The following HIVEP1 variants were observed in gnomAD, a reference collection of about 807,000 sequenced individuals.
HIVEP1 encodes HIVEP zinc finger 1, also known as zinc finger protein 40.
Under a neutral mutation model 180.0 loss-of-function variants are expected in HIVEP1, and 36 were observed. The ratio of observed to expected loss-of-function variants is 0.20; its 90% CI spans 0.15 to 0.26. HIVEP1 has a LOEUF of 0.26. Among genes scored for constraint, HIVEP1 ranks in the 10% least tolerant of loss-of-function variants. The probability of loss-of-function intolerance (pLI) is 1.00; values close to 1 mark genes in which losing one functional copy is unlikely to be tolerated. For synonymous variants in HIVEP1, 1,239 were observed against 1,239.0 expected (o/e 1.00, Z 0.00); for missense variants, 3,143 against 3,268.7 (o/e 0.96, Z 0.94).
intron 6 of HIVEP1, among the ~76,000 whole-genome samples, chr6:12,134,284 G>A (rs1758589130): frequency 6.6e-6 from 1 of 152,082 alleles, no homozygotes; most frequent in African/African-American, 2.4e-5. Context: ...TAATCCAGGT[G>A]TTATCTCCAG....
chr6:12,015,727 CTT>C (rs747162351), intron 2 of HIVEP1, 59 bp downstream of exon 2: 17 of 1,491,392 alleles, frequency 1.1e-5, no homozygotes, highest in South Asian at 2.3e-5. Context: ...CAAAGTATCT[CTT>C]TGGTGACAGG....
chr6:12,125,728 T>A lies in HIVEP1; in HGVS notation c.5933T>A (p.Leu1978His), dbSNP rs759404115. 36 of 1,614,070 alleles carry A rather than the reference T, an allele frequency of 2.2e-5. No individual in the cohort carries two copies. The highest frequency in any genetic ancestry group is 4.0e-5 in the African/African-American group (3 of 74,924). Residue 1978 changes from leucine to histidine, a missense_variant, in exon 4 of 9, where the codon CTC (leucine) becomes CAC (histidine). Physicochemically the swap from Leu to His is moderately conservative, Grantham distance 99 (BLOSUM62 -3). Coordinates refer to ENST00000379388, the MANE Select transcript of HIVEP1 (RefSeq NM_002114.4). ...GTAAGCGCCAGTAATCCAAATCCAC[T>A]CGGTTTGCCCACAAAAGTTGCACTT... ...WTVSASNPNPLGLPTKVALAL... is the reference protein window; with the variant it reads ...WTVSASNPNPHGLPTKVALAL...
chr6:12,077,613 T>C (rs1020680417), intron 2 of HIVEP1, among the ~76,000 whole-genome samples: 6 of 152,228 alleles, frequency 3.9e-5, no homozygotes, highest in Admixed American at 1.3e-4. Context: ...ACAGTGATGA[T>C]AAGTCCGGTG....
At chr6:12,169,138 C>T (rs181701303), downstream of HIVEP1, among the ~76,000 whole-genome samples, 21 of 152,254 alleles carry the variant, frequency 1.4e-4, 1 homozygote, top group African/African-American at 1.2e-4. Flanking sequence ...CCGCCTGCCT[C>T]GGCCTCCCAA....
At chr6:12,167,309 A>G (rs1028258321), downstream of HIVEP1, among the ~76,000 whole-genome samples, 2 of 151,914 alleles carry the variant, frequency 1.3e-5, no homozygotes, top group Admixed American at 6.6e-5. Context: ...TTCAAATTAT[A>G]ACATCAGGGT....
At chr6:12,205,200 G>A in the HIVEP1 span, among the ~76,000 whole-genome samples, 27 of 152,168 alleles carry the variant, frequency 1.8e-4, no homozygotes, top group African/African-American at 4.1e-4. Flanking sequence ...GGCTGGGCGC[G>A]GTGGCTCATG....
rs376562252 is a variant in HIVEP1, at chr6:12,122,840, C to T, written c.3045C>T (p.Val1015=). Residue 1015 remains valine, a synonymous_variant, in exon 4 of 9, where the codon GTC becomes GTT. Transcript: ENST00000379388. ...GLQPQILHYR[V]AGSSGIWEQT... ...AGCCTCAGATTCTACACTACAGAGT[C>T]GCTGGGTCCTCCGGCATCTGGGAAC... 138 of 1,613,960 alleles carry T rather than the reference C, an allele frequency of 8.6e-5. No homozygotes were observed. The highest frequency in any genetic ancestry group is 4.9e-4 in the Middle Eastern group (3 of 6,084).
chr6:12,120,964 T>C lies in HIVEP1; in HGVS notation c.1169T>C (p.Met390Thr). 6.2e-7 allele frequency: 1 copy of C among 1,614,130 alleles called. No homozygotes were observed. The highest frequency in any genetic ancestry group is 8.5e-7 in the Non-Finnish European group (1 of 1,180,004). Residue 390 changes from methionine to threonine, a missense_variant, in exon 4 of 9, where the codon ATG (methionine) becomes ACG (threonine). By Grantham distance (81) the Met-to-Thr change is moderately conservative. Coordinates refer to ENST00000379388, the MANE Select transcript of HIVEP1 (RefSeq NM_002114.4). ...GTTGTTAATCAAAGCGTAGAGCAAA[T>C]GTGCAATCTTCTTCTGAAAGATCAG... The part of the protein sequence containing the change: ...ASVVNQSVEQ[M>T]CNLLLKDQKP...
rs551138456 is a variant in HIVEP1 at position 12,127,165 on chromosome 6, T to TA, written c.6075+1306dup. On this transcript the variant is annotated intron_variant, in intron 4 of 8. Coordinates refer to ENST00000379388, the MANE Select transcript of HIVEP1 (RefSeq NM_002114.4). ...TGTGAGCCACCGCGCCCAGCAAGAA[T>TA]AAAAAAAAAAATTAATAATACACGA... Among the ~76,000 whole-genome samples, 1,006 of 140,516 alleles carry TA rather than the reference T, an allele frequency of 7.2e-3. 5 individuals carry two copies. The highest frequency in any genetic ancestry group is 0.026 in the African/African-American group (919 of 34,906). The allele number at this position is 140,516 out of a possible 152,430, so 92.2% of individuals were successfully genotyped here. A position where few individuals can be genotyped will look rare whatever the true frequency, so the allele number is the denominator to read the frequency against.
At chr6:12,040,275 TTTA>T (rs1334136807) in intron 2 of HIVEP1, among the ~76,000 whole-genome samples, 1 of 152,162 alleles carries the variant, frequency 6.6e-6, no homozygotes, top group Non-Finnish European at 1.5e-5. Flanking sequence ...GTGCAAATCT[TTTA>T]TGATGTTCAT....
the HIVEP1 span, among the ~76,000 whole-genome samples, chr6:12,191,406 A>G: frequency 6.6e-6 from 1 of 152,174 alleles, no homozygotes; most frequent in Admixed American, 6.5e-5. Context: ...CCTGGGCAAC[A>G]CGGGGAGACC....
At chr6:12,156,169 T>C (rs1398841211) in intron 7 of HIVEP1, among the ~76,000 whole-genome samples, 1 of 151,868 alleles carries the variant, frequency 6.6e-6, no homozygotes, top group African/African-American at 2.4e-5. Context: ...GATGGATAGA[T>C]TGTGAAAATT....
chr6:12,116,903 G>C (rs1364591802), intron 3 of HIVEP1, among the ~76,000 whole-genome samples: 3 of 152,122 alleles, frequency 2.0e-5, no homozygotes, highest in Non-Finnish European at 2.9e-5. Flanking sequence ...ATTTAAGCAA[G>C]AGTTCAAACT....
intron 2 of HIVEP1, among the ~76,000 whole-genome samples, chr6:12,016,507 A>C (rs1767758664): frequency 6.6e-6 from 1 of 152,218 alleles, no homozygotes; most frequent in Non-Finnish European, 1.5e-5. Flanking sequence ...GTGACTTAAA[A>C]ATCAAATAAA....
At chr6:12,168,994 TCTC>T (rs1258205428), downstream of HIVEP1, among the ~76,000 whole-genome samples, 1 of 151,982 alleles carries the variant, frequency 6.6e-6, no homozygotes, top group African/African-American at 2.4e-5. Context: ...TTCAAGTGAT[TCTC>T]CTGCCTCAAC....
rs934449771 is a variant in HIVEP1, at chr6:12,015,727, C to G, written c.40+59C>G. ...CTGTAAATCTTTTAACAAAGTATCT[C>G]TTTGGTGACAGGAATGGCCGTTTGT... On this transcript the variant is annotated intron_variant, in intron 2 of 8. Transcript: ENST00000379388. 6 of 1,491,392 alleles carry G rather than the reference C, an allele frequency of 4.0e-6. No homozygotes were observed. In the Admixed American group the frequency reaches 8.9e-5, roughly 22 times the overall value. 92.4% of individuals were successfully genotyped at this position (1,491,392 alleles called of 1,614,324 possible). A position where few individuals can be genotyped will look rare whatever the true frequency, so the allele number is the denominator to read the frequency against.
intron 4 of HIVEP1, among the ~76,000 whole-genome samples, chr6:12,128,842 C>A (rs1758249292): frequency 6.6e-6 from 1 of 152,176 alleles, no homozygotes; most frequent in Non-Finnish European, 1.5e-5. Flanking sequence ...TGTTACCAAG[C>A]CAAAACCTAA....
chr6:12,119,887 C>A lies in HIVEP1; in HGVS notation c.95-3C>A. 1 of 1,534,372 alleles carries A rather than the reference C, an allele frequency of 6.5e-7. No individual in the cohort carries two copies. The highest frequency in any genetic ancestry group is 1.3e-5 in the South Asian group (1 of 77,316). On this transcript the variant is annotated splice_polypyrimidine_tract_variant and splice_region_variant and intron_variant, in intron 3 of 8. Transcript: ENST00000379388. Reference sequence around the variant, plus strand: ...TGTTTGTTGTTGTTGTTGTTTTTTCCAGAAATCTTACAGGCTGGTGTTAAA... The same window carrying A: ...TGTTTGTTGTTGTTGTTGTTTTTTCAAGAAATCTTACAGGCTGGTGTTAAA...
intron 8 of HIVEP1, among the ~76,000 whole-genome samples, chr6:12,162,679 A>AT (rs1301083923): frequency 6.6e-6 from 1 of 152,214 alleles, no homozygotes; most frequent in Non-Finnish European, 1.5e-5. Flanking sequence ...ATTGTGGCAG[A>AT]TTGTGCTGTA....
Sources: allele counts gnomAD v4.1 joint callset (sites outside exome capture counted in the v4.1 genomes callset), GRCh38; gene constraint gnomAD v4.1.1; transcripts MANE v1.5; gene names NCBI Gene and HGNC (gene_info 2026-07-23, HGNC 2026-07-21).